The following PSMA3 variants were observed in gnomAD, a reference collection of about 807,000 sequenced individuals.
PSMA3 encodes proteasome subunit alpha type-3.
PSMA3 carries 8 observed loss-of-function variants against 40.0 expected under a neutral mutation model. The ratio of observed to expected loss-of-function variants is 0.20; its 90% CI spans 0.12 to 0.36. The LOEUF is 0.36. PSMA3 is among the 10% of genes least tolerant of loss of function. The pLI, the probability that PSMA3 is intolerant of heterozygous loss-of-function variation, is 1.00. For synonymous variants in PSMA3, 110 were observed against 100.0 expected (o/e 1.10, Z -0.59); for missense variants, 219 against 310.6 (o/e 0.70, Z 2.22).
In PSMA3 at chr14:58,271,620, C is replaced by A. The variant is rs539537144; in HGVS notation, c.724-231C>A. ...AAAGTGCTGGGATTACAGGCATGAA[C>A]ACTGCACCAGGCCTCTTAAGTATAT... On this transcript the variant is annotated intron_variant, in intron 10 of 10. Transcript: ENST00000216455. Among the ~76,000 whole-genome samples, 19 of 152,264 alleles carry A rather than the reference C, an allele frequency of 1.2e-4. 1 individual carries two copies. The South Asian group carries it at 3.9e-3, about 32-fold the overall frequency.
chr14:58,270,507 A>G, intron 9 of PSMA3, 22 bp downstream of exon 9: 1 of 1,613,360 alleles, frequency 6.2e-7, no homozygotes. Context: ...TTGTACATTT[A>G]TTTGCCTTAG....
At chr14:58,261,724 A>G (rs1483319408) in intron 6 of PSMA3, among the ~76,000 whole-genome samples, 1 of 150,592 alleles carries the variant, frequency 6.6e-6, no homozygotes, top group Middle Eastern at 3.4e-3. Context: ...CCTCCTACCT[A>G]AGCCTCCCAA....
chr14:58,264,550 T>G (rs1424862241), intron 7 of PSMA3: 2 of 152,238 alleles, frequency 1.3e-5, no homozygotes, highest in African/African-American at 2.4e-5. Flanking sequence ...TATCAGTGTT[T>G]TGGTAAACTG....
At position 58,244,900 on chromosome 14, in the gene PSMA3, C is replaced by T. The variant is rs774121353; in HGVS notation, c.-21C>T. 3 of 1,614,046 alleles carry T rather than the reference C, an allele frequency of 1.9e-6. No homozygotes were observed. Among genetic ancestry groups the T allele is most frequent in the Non-Finnish European group, 2.5e-6 (3 of 1,180,022 alleles). ...GCGCTCCGGGCCTGGAATCCCTACG[C>T]GTCCCTTTGGGTTTAGCACGATGAG... On this transcript the variant is annotated 5_prime_UTR_variant, in exon 1 of 11. Coordinates refer to ENST00000216455, the MANE Select transcript of PSMA3 (RefSeq NM_002788.4).
chr14:58,256,095 C>T (rs2140085440), intron 3 of PSMA3, among the ~76,000 whole-genome samples: 1 of 152,234 alleles, frequency 6.6e-6, no homozygotes, highest in South Asian at 2.1e-4. Context: ...CTCAGGTGAT[C>T]CCCCTGCCTC....
intron 2 of PSMA3, among the ~76,000 whole-genome samples, chr14:58,250,220 C>CAAAAAAG (rs1889977042): frequency 1.1e-5 from 1 of 93,050 alleles, no homozygotes; most frequent in Admixed American, 1.3e-4. Context: ...ACTCCATCTC[C>CAAAAAAG]AAAAAAAAAA....
At chr14:58,248,820 C>T (rs182515377) in intron 2 of PSMA3, among the ~76,000 whole-genome samples, 100 of 151,792 alleles carry the variant, frequency 6.6e-4, no homozygotes, top group African/African-American at 2.4e-3. Flanking sequence ...AAAAATTAGC[C>T]GGGTGTGATG....
chr14:58,270,188 G>C, intron 8 of PSMA3: 4 of 520,900 alleles, frequency 7.7e-6, no homozygotes, highest in Non-Finnish European at 1.2e-5. Context: ...AACTGAACTT[G>C]GGTTGATTAG....
intron 3 of PSMA3, among the ~76,000 whole-genome samples, chr14:58,253,752 C>T (rs912971993): frequency 6.6e-6 from 1 of 152,084 alleles, no homozygotes; most frequent in Non-Finnish European, 1.5e-5. Flanking sequence ...CGCCGCCACA[C>T]CCAGCTAATT....
chr14:58,253,549 T>C (rs1389379326), intron 3 of PSMA3, among the ~76,000 whole-genome samples: 1 of 152,170 alleles, frequency 6.6e-6, no homozygotes, highest in Admixed American at 6.6e-5. Flanking sequence ...ATCTCAACAA[T>C]ATGTTTCTCC....
At chr14:58,254,798 A>G (rs536263606) in intron 3 of PSMA3, among the ~76,000 whole-genome samples, 45 of 152,290 alleles carry the variant, frequency 3.0e-4, no homozygotes, top group African/African-American at 1.0e-3. Context: ...GGCATGGGTT[A>G]CCTTGGGGAA....
chr14:58,245,305 T>A, intron 1 of PSMA3: 1 of 251,754 alleles, frequency 4.0e-6, no homozygotes, highest in South Asian at 5.5e-5. Context: ...GCAGTGAGAT[T>A]TGGGATTCCG....
chr14:58,266,178 A>C (rs1194916223), intron 7 of PSMA3: 1 of 152,184 alleles, frequency 6.6e-6, no homozygotes, highest in Non-Finnish European at 1.5e-5. Flanking sequence ...TCTATTTCCT[A>C]AAAGTAGTAC....
chr14:58,260,807 C>G (rs1890260453), intron 5 of PSMA3, 141 bp from the exon 6 acceptor site: 3 of 513,188 alleles, frequency 5.8e-6, no homozygotes, highest in Non-Finnish European at 1.0e-5. Flanking sequence ...ATTGAAACCA[C>G]TGTTTCAAAG....
chr14:58,261,075 G>T, intron 6 of PSMA3, 55 bp downstream of exon 6: 1 of 1,180,314 alleles, frequency 8.5e-7, no homozygotes, highest in Non-Finnish European at 1.3e-6. Context: ...TATTTCATTA[G>T]CATTTAAGTC....
intron 3 of PSMA3, among the ~76,000 whole-genome samples, chr14:58,252,778 T>A (rs1221935289): frequency 6.9e-6 from 1 of 145,456 alleles, no homozygotes; most frequent in African/African-American, 2.6e-5. Flanking sequence ...AAAGTTACCC[T>A]ACATAGATGG....
rs1014743503 is a variant in PSMA3, at chr14:58,244,869, G to A, written c.-52G>A. On this transcript the variant is annotated 5_prime_UTR_variant, in exon 1 of 11. Transcript: ENST00000216455. ...CTAGTTTGCGGCATCCTGTGGTATA[G>A]GGGAAGCGCTCCGGGCCTGGAATCC... is the stretch of plus-strand genomic sequence containing the variant. 7 of 1,613,948 alleles carry A rather than the reference G, an allele frequency of 4.3e-6. No homozygotes were observed. The Admixed American group carries it at 5.0e-5, about 12-fold the overall frequency.
intron 8 of PSMA3, 185 bp downstream of exon 8, chr14:58,267,705 T>G (rs1006185833): frequency 1.8e-6 from 2 of 1,089,318 alleles, no homozygotes; most frequent in African/African-American, 3.3e-5. Context: ...TATTTTTTAG[T>G]AGTAATGAAT....
chr14:58,245,024 G>A, intron 1 of PSMA3, 83 bp downstream of exon 1: 2 of 1,591,674 alleles, frequency 1.3e-6, no homozygotes, highest in East Asian at 2.2e-5. Flanking sequence ...TGGGGTTCGC[G>A]GACCCGGGGT....
Sources: gnomAD v4.1 joint callset for allele counts (sites outside exome capture counted in the v4.1 genomes callset) on GRCh38, gnomAD v4.1.1 for gene constraint, MANE v1.5 for transcripts, NCBI Gene and HGNC (gene_info 2026-07-23, HGNC 2026-07-21) for gene names.